The following PARD3 variants were observed in gnomAD, a reference collection of about 807,000 sequenced individuals.
PARD3 encodes the protein partitioning defective 3 homolog.
PARD3 carries 75 observed loss-of-function variants against 155.4 expected under a neutral mutation model. The ratio of observed to expected loss-of-function variants is 0.48; its 90% CI spans 0.40 to 0.58. The LOEUF (loss-of-function observed/expected upper bound fraction) is 0.58, where lower values mean the gene tolerates loss of function less well. Ranked by LOEUF, PARD3 falls within the 20% of genes least tolerant of loss-of-function variation. The pLI is 0.00. For synonymous variants in PARD3, 576 were observed against 610.5 expected (o/e 0.94, Z 0.83); for missense variants, 1,642 against 1,721.7 (o/e 0.95, Z 0.82).
At chr10:34,195,181 T>C (rs1335180536) in intron 22 of PARD3, among the ~76,000 whole-genome samples, 2 of 152,236 alleles carry the variant, frequency 1.3e-5, no homozygotes, top group African/African-American at 4.8e-5. Flanking sequence ...AATCCAATGT[T>C]TATGCTTTCT....
At chr10:34,470,015 C>T (rs1018126748) in intron 4 of PARD3, 70 bp downstream of exon 4, 50 of 1,282,234 alleles carry the variant, frequency 3.9e-5, no homozygotes, top group Non-Finnish European at 5.3e-5. Flanking sequence ...ACCCAAGACA[C>T]GACACTCATC....
chr10:34,581,687 A>C (rs373292473), intron 2 of PARD3, among the ~76,000 whole-genome samples: 34 of 152,296 alleles, frequency 2.2e-4, no homozygotes, highest in East Asian at 7.7e-4. Context: ...CCTGACTCCT[A>C]CACTGCAAAT....
chr10:34,565,517 T>A (rs2085860591), intron 2 of PARD3, among the ~76,000 whole-genome samples: 1 of 152,070 alleles, frequency 6.6e-6, no homozygotes, highest in African/African-American at 2.4e-5. Context: ...TCCGCCCGCC[T>A]CGGCCTCCCA....
intron 19 of PARD3, among the ~76,000 whole-genome samples, chr10:34,319,505 C>T (rs538139335): frequency 2.0e-5 from 3 of 152,278 alleles, no homozygotes; most frequent in South Asian, 4.2e-4. Context: ...CTTTTCCTCG[C>T]TATTAAGATA....
rs188526411 is a variant in PARD3, at chr10:34,150,858, C to T, written c.3420-19275G>A. Among the ~76,000 whole-genome samples the T allele has an allele frequency of 2.8e-3, 428 of 152,246 alleles. 5 individuals are homozygous for T. Among genetic ancestry groups the T allele is most frequent in the African/African-American group, 9.7e-3 (403 of 41,554 alleles). ...GCTCTAAAGTATTATCATAATTATC[C>T]TCTCCAAGTCCATCTCTAAGACTAA... On this transcript the variant is annotated intron_variant, in intron 22 of 24. Transcript: ENST00000374788.
At chr10:34,340,727 AACGCAAAT>A (rs1836719770) in intron 16 of PARD3, among the ~76,000 whole-genome samples, 1 of 152,108 alleles carries the variant, frequency 6.6e-6, no homozygotes, top group African/African-American at 2.4e-5. Context: ...TAAAAATGTT[AACGCAAAT>A]AAATGCCAGT....
At chr10:34,335,291 T>A (rs766133411) in intron 18 of PARD3, among the ~76,000 whole-genome samples, 1 of 151,968 alleles carries the variant, frequency 6.6e-6, no homozygotes, top group East Asian at 1.9e-4. Context: ...AATTTTTACA[T>A]ATATATATGT....
intron 2 of PARD3, among the ~76,000 whole-genome samples, chr10:34,667,613 T>C (rs1041220084): frequency 6.6e-6 from 1 of 152,220 alleles, no homozygotes; most frequent in Admixed American, 6.5e-5. Flanking sequence ...TCTAGCCATA[T>C]TGGAAAAGTA....
At chr10:34,224,220 G>A (rs931638036) in intron 22 of PARD3, among the ~76,000 whole-genome samples, 2 of 152,156 alleles carry the variant, frequency 1.3e-5, no homozygotes, top group Non-Finnish European at 2.9e-5. Context: ...CAGTTAAGAC[G>A]ATCAATATCT....
intron 2 of PARD3, among the ~76,000 whole-genome samples, chr10:34,641,962 T>C (rs2092691811): frequency 3.3e-5 from 5 of 152,098 alleles, no homozygotes; most frequent in Admixed American, 3.3e-4. Context: ...TCCCAGGCTG[T>C]AAACAAGACT....
At chr10:34,640,708 CAAAAAAAAAAAAAAAAAA>C (rs59111039) in intron 2 of PARD3, among the ~76,000 whole-genome samples, 3 of 24,022 alleles carry the variant, frequency 1.2e-4, no homozygotes, top group African/African-American at 2.4e-4. Context: ...GACTCCATCT[CAAAAAAAAAAAAAAAAAA>C]AAAAAAAAAA....
intron 23 of PARD3, among the ~76,000 whole-genome samples, chr10:34,123,067 G>A (rs1416912756): frequency 6.6e-6 from 1 of 152,166 alleles, no homozygotes; most frequent in Non-Finnish European, 1.5e-5. Context: ...AGAGAACAAG[G>A]CGAAGCTCTG....
intron 16 of PARD3, among the ~76,000 whole-genome samples, chr10:34,339,267 G>A (rs1019704742): frequency 1.3e-5 from 2 of 152,068 alleles, no homozygotes; most frequent in African/African-American, 2.4e-5. Context: ...TGAGGCAGGA[G>A]AATGGTGTGA....
chr10:34,768,901 G>A (rs533841412), intron 1 of PARD3, among the ~76,000 whole-genome samples: 8 of 152,270 alleles, frequency 5.3e-5, no homozygotes, highest in African/African-American at 7.2e-5. Context: ...TGAATATCCA[G>A]TTCCCAGCGC....
chr10:34,170,047 A>C (rs746210220), intron 22 of PARD3, among the ~76,000 whole-genome samples: 31 of 152,226 alleles, frequency 2.0e-4, no homozygotes, highest in Non-Finnish European at 3.8e-4. Context: ...GTTTGACATT[A>C]TTAGACGTTT....
At chr10:34,696,450 G>T (rs984472703) in intron 1 of PARD3, 31 bp from the exon 2 acceptor site, 2 of 1,289,176 alleles carry the variant, frequency 1.6e-6, no homozygotes, top group Admixed American at 1.7e-5. Context: ...ACTGAATATA[G>T]CAAGTTAGCA....
At chr10:34,428,054 C>T (rs759190953) in intron 5 of PARD3, among the ~76,000 whole-genome samples, 2 of 152,096 alleles carry the variant, frequency 1.3e-5, no homozygotes, top group Non-Finnish European at 2.9e-5. Context: ...TCCCAAAAAA[C>T]GACATCATCC....
intron 1 of PARD3, among the ~76,000 whole-genome samples, chr10:34,745,995 G>A (rs981008175): frequency 3.9e-5 from 6 of 151,970 alleles, no homozygotes; most frequent in Admixed American, 2.0e-4. Context: ...CCAGCTACTC[G>A]GGAGGCTGAG....
At chr10:34,124,100 T>C (rs1947152971) in intron 23 of PARD3, among the ~76,000 whole-genome samples, 1 of 152,242 alleles carries the variant, frequency 6.6e-6, no homozygotes, top group South Asian at 2.1e-4. Context: ...CACACACATA[T>C]GTAATATTTT....
Sources: allele counts gnomAD v4.1 joint callset (sites outside exome capture counted in the v4.1 genomes callset), GRCh38; gene constraint gnomAD v4.1.1; transcripts MANE v1.5; gene names NCBI Gene and HGNC (gene_info 2026-07-23, HGNC 2026-07-21).